BLNK: variants seen among roughly 807,000 people sequenced by gnomAD.
BLNK encodes B cell linker, also known as B-cell linker protein.
In BLNK, 29 loss-of-function variants were observed where a neutral mutation model predicts 73.5. The ratio of observed to expected loss-of-function variants is 0.39; its 90% CI spans 0.29 to 0.54. The LOEUF (loss-of-function observed/expected upper bound fraction) is 0.54, where lower values mean the gene tolerates loss of function less well. Ranked by LOEUF, BLNK falls within the 20% of genes least tolerant of loss-of-function variation. The pLI, the probability that BLNK is intolerant of heterozygous loss-of-function variation, is 0.61. For missense variants in BLNK, 460 were observed against 562.8 expected (o/e 0.82, Z 1.85); for synonymous variants, 176 against 200.8 (o/e 0.88, Z 1.04).
chr10:96,257,778 A>G (rs561527571), intron 1 of BLNK, among the ~76,000 whole-genome samples: 2 of 152,364 alleles, frequency 1.3e-5, no homozygotes, highest in Non-Finnish European at 2.9e-5. Context: ...CATGCAGGCC[A>G]CAGAGCTAAC....
intron 8 of BLNK, among the ~76,000 whole-genome samples, chr10:96,214,096 C>T (rs1279179172): frequency 2.0e-5 from 3 of 152,170 alleles, no homozygotes; most frequent in African/African-American, 4.8e-5. Flanking sequence ...CTCTCAATGA[C>T]TTGTGTTCAG....
chr10:96,266,884 T>C (rs1225974141), intron 1 of BLNK, among the ~76,000 whole-genome samples: 1 of 152,250 alleles, frequency 6.6e-6, no homozygotes, highest in Non-Finnish European at 1.5e-5. Flanking sequence ...CTTGGTATAC[T>C]GACTAAGTGG....
intron 1 of BLNK, among the ~76,000 whole-genome samples, chr10:96,263,441 C>T (rs1554913485): frequency 2.6e-5 from 4 of 152,260 alleles, no homozygotes; most frequent in Non-Finnish European, 4.4e-5. Flanking sequence ...ACAGTCACCA[C>T]ATGTCCCTCA....
At position 96,189,739 on chromosome 10, in the gene BLNK, T is replaced by TCAG; in HGVS notation, c.*2231_*2233dup. 1.4e-6 allele frequency: 1 copy of TCAG among 731,622 alleles called. No homozygotes were observed. The highest frequency in any genetic ancestry group is 2.5e-5 in the East Asian group (1 of 39,960). The allele number at this position is 731,622 out of a possible 1,614,324, so 45.3% of individuals were successfully genotyped here. ...ATCATCATCATCATCATCATCTTCATCAGCAGCAAGTTTTACTTTTATTCT... is the reference window on the plus strand; with the variant it reads ...ATCATCATCATCATCATCATCTTCATCAGCAGCAGCAAGTTTTACTTTTATTCT... On this transcript the variant is annotated 3_prime_UTR_variant, in exon 17 of 17. Coordinates refer to ENST00000224337, the MANE Select transcript of BLNK (RefSeq NM_013314.4).
chr10:96,268,939 T>C (rs1279669377), intron 1 of BLNK, among the ~76,000 whole-genome samples: 1 of 152,202 alleles, frequency 6.6e-6, no homozygotes, highest in Non-Finnish European at 1.5e-5. Flanking sequence ...ACATGGTTAA[T>C]CAACCTTCAG....
At chr10:96,243,904 C>T (rs1161666450) in intron 2 of BLNK, among the ~76,000 whole-genome samples, 1 of 151,540 alleles carries the variant, frequency 6.6e-6, no homozygotes, top group Non-Finnish European at 1.5e-5. Context: ...ATAAATAAAA[C>T]TTATATCCAG....
At chr10:96,270,777 C>G (rs1844237276) in intron 1 of BLNK, among the ~76,000 whole-genome samples, 1 of 152,116 alleles carries the variant, frequency 6.6e-6, no homozygotes, top group South Asian at 2.1e-4. Context: ...TGACTCACGC[C>G]CATGGGGCCG....
chr10:96,224,097 C>T, intron 5 of BLNK, 108 bp from the exon 6 acceptor site: 3 of 1,282,090 alleles, frequency 2.3e-6, no homozygotes, highest in Non-Finnish European at 3.3e-6. Context: ...TCTATGTAGC[C>T]ACAAATGATC....
At chr10:96,260,751 A>T (rs1332942757) in intron 1 of BLNK, among the ~76,000 whole-genome samples, 2 of 152,196 alleles carry the variant, frequency 1.3e-5, no homozygotes, top group Admixed American at 1.3e-4. Flanking sequence ...AATGTCTTGT[A>T]TGTAGGGGTA....
At chr10:96,216,194 G>A (rs146418397) in intron 7 of BLNK, 41 of 198,024 alleles carry the variant, frequency 2.1e-4, no homozygotes, top group Admixed American at 6.3e-4. Context: ...AAGGGTTTAC[G>A]GATGAAATGT....
intron 13 of BLNK, among the ~76,000 whole-genome samples, chr10:96,203,145 A>G (rs2083693871): frequency 6.6e-6 from 1 of 152,242 alleles, no homozygotes. Context: ...CTGTGCCTAG[A>G]ACAATGCCTG....
At chr10:96,264,547 C>A (rs1843903830) in intron 1 of BLNK, among the ~76,000 whole-genome samples, 1 of 152,046 alleles carries the variant, frequency 6.6e-6, no homozygotes, top group African/African-American at 2.4e-5. Flanking sequence ...AAAGCGTTTC[C>A]TGAGATCCAG....
intron 6 of BLNK, among the ~76,000 whole-genome samples, chr10:96,222,411 T>C (rs1197595572): frequency 6.6e-6 from 1 of 152,254 alleles, no homozygotes; most frequent in African/African-American, 2.4e-5. Context: ...TCTCTGTCCT[T>C]ATTTAAAATG....
At chr10:96,234,883 T>G (rs587640460) in intron 3 of BLNK, among the ~76,000 whole-genome samples, 13 of 152,346 alleles carry the variant, frequency 8.5e-5, no homozygotes, top group Non-Finnish European at 1.6e-4. Context: ...ATTTTGTTTG[T>G]GTGATTCCAT....
intron 3 of BLNK, among the ~76,000 whole-genome samples, chr10:96,240,154 G>T (rs1423969109): frequency 6.6e-6 from 1 of 152,060 alleles, no homozygotes; most frequent in Non-Finnish European, 1.5e-5. Flanking sequence ...ATATTTACCT[G>T]TTTGCTTTCT....
intron 1 of BLNK, among the ~76,000 whole-genome samples, chr10:96,258,608 G>T (rs908311003): frequency 6.6e-6 from 1 of 152,046 alleles, no homozygotes; most frequent in Non-Finnish European, 1.5e-5. Context: ...GAAGGTGGGG[G>T]GTACCTCCAT....
At chr10:96,227,615 C>T in intron 4 of BLNK, 49 bp from the exon 5 acceptor site, 1 of 1,611,994 alleles carries the variant, frequency 6.2e-7, no homozygotes, top group Non-Finnish European at 8.5e-7. Context: ...GTCTGTGCTG[C>T]CTGGCCGTCA....
chr10:96,251,436 C>T (rs1843281786), intron 1 of BLNK, among the ~76,000 whole-genome samples: 1 of 152,186 alleles, frequency 6.6e-6, no homozygotes, highest in Non-Finnish European at 1.5e-5. Flanking sequence ...AACAGCAATC[C>T]TTTTACTGAG....
chr10:96,260,242 C>T (rs1489641258), intron 1 of BLNK, among the ~76,000 whole-genome samples: 1 of 152,164 alleles, frequency 6.6e-6, no homozygotes, highest in Non-Finnish European at 1.5e-5. Context: ...TGGAAGAACA[C>T]TAAGAGGTCA....
Sources: gnomAD v4.1 joint callset for allele counts (sites outside exome capture counted in the v4.1 genomes callset) on GRCh38, gnomAD v4.1.1 for gene constraint, MANE v1.5 for transcripts, NCBI Gene and HGNC (gene_info 2026-07-23, HGNC 2026-07-21) for gene names.